Variants in TMEM132C observed in about 807,000 individuals in gnomAD.
The protein encoded by TMEM132C is protein phosphatase 1, regulatory subunit 152.
Under a neutral mutation model 61.4 loss-of-function variants are expected in TMEM132C, and 29 were observed. That is an observed-to-expected ratio of 0.47 (90% CI 0.35 to 0.64). The LOEUF (loss-of-function observed/expected upper bound fraction) is 0.64, where lower values mean the gene tolerates loss of function less well. Ranked by LOEUF, TMEM132C falls within the 30% of genes least tolerant of loss-of-function variation. TMEM132C has a pLI of 0.00. For missense variants in TMEM132C, 1,408 were observed against 1,476.9 expected, an observed-to-expected ratio of 0.95 and a Z score of 0.76; for synonymous variants, 656 against 633.1, an observed-to-expected ratio of 1.04 and a Z score of -0.54.
chr12:128,308,218 G>A (rs1202758933), intron 1 of TMEM132C, among the ~76,000 whole-genome samples: 1 of 152,170 alleles, frequency 6.6e-6, no homozygotes, highest in Non-Finnish European at 1.5e-5. Context: ...GTCTCTTTGG[G>A]ACCCAGATCT....
chr12:128,369,301 C>T (rs1873960544), intron 1 of TMEM132C, among the ~76,000 whole-genome samples: 1 of 152,120 alleles, frequency 6.6e-6, no homozygotes. Flanking sequence ...AAACTCAATA[C>T]AATGTTTTTT....
intron 1 of TMEM132C, among the ~76,000 whole-genome samples, chr12:128,395,795 T>A (rs978447386): frequency 1.3e-5 from 2 of 151,188 alleles, no homozygotes; most frequent in Admixed American, 1.3e-4. Context: ...GTATCCTAAG[T>A]TGGGGACCAA....
chr12:128,665,076 AAC>A (rs748961993), intron 4 of TMEM132C, among the ~76,000 whole-genome samples: 6 of 148,002 alleles, frequency 4.1e-5, no homozygotes, highest in Non-Finnish European at 9.0e-5. Flanking sequence ...CACATACACA[AAC>A]ACAGGCACTC....
chr12:128,523,850 A>G (rs1180542560), intron 2 of TMEM132C, among the ~76,000 whole-genome samples: 1 of 151,252 alleles, frequency 6.6e-6, no homozygotes, highest in Non-Finnish European at 1.5e-5. Flanking sequence ...TCTACAAATA[A>G]TAATAAAAAA....
intron 2 of TMEM132C, among the ~76,000 whole-genome samples, chr12:128,460,303 C>T (rs1870490224): frequency 6.6e-6 from 1 of 152,200 alleles, no homozygotes; most frequent in Non-Finnish European, 1.5e-5. Flanking sequence ...ACCCATCTCT[C>T]ACCCCTGCTT....
intron 4 of TMEM132C, among the ~76,000 whole-genome samples, chr12:128,624,901 C>T (rs973588516): frequency 6.6e-6 from 1 of 152,134 alleles, no homozygotes; most frequent in Non-Finnish European, 1.5e-5. Flanking sequence ...CAGTGCCACC[C>T]TCATGTGAAG....
intron 4 of TMEM132C, among the ~76,000 whole-genome samples, chr12:128,657,906 C>G (rs540746973): frequency 6.6e-6 from 1 of 152,326 alleles, no homozygotes; most frequent in African/African-American, 2.4e-5. Context: ...AGGCACTGAC[C>G]TGGGATTTTT....
At chr12:128,600,418 A>G (rs187054459) in intron 3 of TMEM132C, among the ~76,000 whole-genome samples, 190 of 152,266 alleles carry the variant, frequency 1.2e-3, no homozygotes, top group Non-Finnish European at 2.2e-3. Flanking sequence ...GCCATGCTGA[A>G]CTGTGAGCAA....
At chr12:128,533,050 A>G (rs1873376652) in intron 2 of TMEM132C, among the ~76,000 whole-genome samples, 1 of 152,144 alleles carries the variant, frequency 6.6e-6, no homozygotes, top group South Asian at 2.1e-4. Flanking sequence ...TGGGAGTCTT[A>G]TTCTAGTGGA....
intron 4 of TMEM132C, among the ~76,000 whole-genome samples, chr12:128,647,272 GA>G (rs1954212893): frequency 6.6e-6 from 1 of 151,110 alleles, no homozygotes; most frequent in African/African-American, 2.4e-5. Flanking sequence ...ATCAGTGTTG[GA>G]TGTGAGTGTG....
intron 1 of TMEM132C, among the ~76,000 whole-genome samples, chr12:128,342,742 A>T (rs1474869102): frequency 6.6e-6 from 1 of 152,166 alleles, no homozygotes; most frequent in African/African-American, 2.4e-5. Context: ...GCTGCCTGGA[A>T]CTGCTGCTCT....
rs1382254486 is a variant in TMEM132C at position 128,326,942 on chromosome 12, A to C, written c.85+59455A>C. On this transcript the variant is annotated intron_variant, in intron 1 of 8. Coordinates refer to ENST00000435159, the MANE Select transcript of TMEM132C (RefSeq NM_001136103.3). This position sits in a 1 kb window ranked among gnomAD's most constrained non-coding sequence, Gnocchi z 5.6. Reference sequence around the variant, plus strand: ...AAGATTAGCCGTGTCGTAGGGGGAAAATGTTAGAACGACTATTTAAGTAAA... The same window carrying C: ...AAGATTAGCCGTGTCGTAGGGGGAACATGTTAGAACGACTATTTAAGTAAA... Among the ~76,000 whole-genome samples the C allele has an allele frequency of 6.7e-6, 1 of 149,914 alleles. No individual in the cohort carries two copies. Among genetic ancestry groups the C allele is most frequent in the Admixed American group, 6.6e-5 (1 of 15,224 alleles).
At chr12:128,357,588 A>C (rs187797055) in intron 1 of TMEM132C, among the ~76,000 whole-genome samples, 7 of 151,278 alleles carry the variant, frequency 4.6e-5, no homozygotes, top group African/African-American at 1.7e-4. Flanking sequence ...CCAGCTACTC[A>C]GGAGGCTGAG....
intron 5 of TMEM132C, among the ~76,000 whole-genome samples, chr12:128,671,505 T>C (rs1372506855): frequency 1.3e-5 from 2 of 152,212 alleles, no homozygotes; most frequent in African/African-American, 4.8e-5. Context: ...GATTTTTGTT[T>C]CCCTCAAATC....
chr12:128,398,770 T>C (rs1459442326), intron 1 of TMEM132C, among the ~76,000 whole-genome samples: 1 of 152,188 alleles, frequency 6.6e-6, no homozygotes. Flanking sequence ...ATATATGATA[T>C]GCAGCACCCG....
intron 4 of TMEM132C, among the ~76,000 whole-genome samples, chr12:128,628,309 C>T (rs138365959): frequency 1.7e-3 from 262 of 152,262 alleles, no homozygotes; most frequent in African/African-American, 6.0e-3. Flanking sequence ...TGGTCCACGG[C>T]GGCACGCTGA....
intron 2 of TMEM132C, among the ~76,000 whole-genome samples, chr12:128,432,068 T>C (rs962670875): frequency 3.3e-5 from 5 of 152,214 alleles, no homozygotes; most frequent in African/African-American, 9.6e-5. Flanking sequence ...CTAAATATTT[T>C]AGGCCCACTG....
At chr12:128,587,025 A>T (rs1298589704) in intron 3 of TMEM132C, among the ~76,000 whole-genome samples, 1 of 152,234 alleles carries the variant, frequency 6.6e-6, no homozygotes, top group Admixed American at 6.5e-5. Context: ...TGGGCCATAA[A>T]GGCGGAAGGA....
chr12:128,473,319 T>TCTCTTC (rs1871022790), intron 2 of TMEM132C, among the ~76,000 whole-genome samples: 1 of 1,008 alleles, frequency 9.9e-4, no homozygotes, highest in African/African-American at 2.7e-3. Context: ...CTCCAGCCTC[T>TCTCTTC]ATCTTCATCT....
Sources: gnomAD v4.1 joint callset for allele counts (sites outside exome capture counted in the v4.1 genomes callset) on GRCh38, gnomAD v4.1.1 for gene constraint, Gnocchi (gnomAD v3.1) non-coding constraint, MANE v1.5 for transcripts, NCBI Gene and HGNC (gene_info 2026-07-23, HGNC 2026-07-21) for gene names.